GPR139: variants seen among roughly 807,000 people sequenced by gnomAD.
The protein encoded by GPR139 is G protein-coupled receptor 139.
In GPR139, 12 loss-of-function variants were observed where a neutral mutation model predicts 25.8. The ratio of observed to expected loss-of-function variants is 0.47; its 90% CI spans 0.30 to 0.75. The LOEUF (loss-of-function observed/expected upper bound fraction) is 0.75, where lower values mean the gene tolerates loss of function less well. Ranked by LOEUF, GPR139 falls within the 30% of genes least tolerant of loss-of-function variation. The pLI, the probability that GPR139 is intolerant of heterozygous loss-of-function variation, is 0.07. For missense variants in GPR139, 380 were observed against 450.2 expected (o/e 0.84, Z 1.41); for synonymous variants, 184 against 179.9 (o/e 1.02, Z -0.18).
intron 1 of GPR139, among the ~76,000 whole-genome samples, chr16:20,064,002 A>G (rs1392164445): frequency 1.3e-5 from 2 of 152,242 alleles, no homozygotes; most frequent in Non-Finnish European, 2.9e-5. Context: ...ACATGGTGGC[A>G]GGAAAGAGAG....
rs1262628465 is a variant in GPR139 at position 20,032,062 on chromosome 16, G to A, written c.735C>T (p.Ile245=). The change falls in exon 2 of 2, where the codon ATC becomes ATT. Residue 245 remains isoleucine, a synonymous_variant. Transcript: ENST00000570682. ...SIFATLWAPR[I]IMILYHLYGA... ...CATAGAGGTGGTAAAGAATCATGAT[G>A]ATGCGGGGGGCCCAAAGTGTGGCAA... 1 of 1,614,226 alleles carries A rather than the reference G, an allele frequency of 6.2e-7. No homozygotes were observed. Among genetic ancestry groups the A allele is most frequent in the Admixed American group, 1.7e-5 (1 of 60,030 alleles).
chr16:20,033,887 A>G (rs1215316472), intron 1 of GPR139, among the ~76,000 whole-genome samples: 3 of 151,180 alleles, frequency 2.0e-5, no homozygotes, highest in Admixed American at 1.3e-4. Flanking sequence ...TTTTGCACCA[A>G]CCTAATACAT....
At chr16:20,072,282 G>A (rs955962574) in intron 1 of GPR139, among the ~76,000 whole-genome samples, 3 of 152,086 alleles carry the variant, frequency 2.0e-5, no homozygotes, top group African/African-American at 7.2e-5. Context: ...TTGGGAGGGG[G>A]GATTTATTGA....
intron 1 of GPR139, among the ~76,000 whole-genome samples, chr16:20,047,510 C>T (rs2057358337): frequency 6.6e-6 from 1 of 152,166 alleles, no homozygotes; most frequent in Admixed American, 6.5e-5. Context: ...TAGCTCCTTC[C>T]TCATATTAGG....
chr16:20,059,464 C>T (rs1339176087), intron 1 of GPR139, among the ~76,000 whole-genome samples: 1 of 152,158 alleles, frequency 6.6e-6, no homozygotes, highest in Non-Finnish European at 1.5e-5. Context: ...CTACGCCTAC[C>T]CTGGCTGATT....
chr16:20,035,993 G>T (rs2057308615), intron 1 of GPR139, among the ~76,000 whole-genome samples: 1 of 152,166 alleles, frequency 6.6e-6, no homozygotes, highest in Non-Finnish European at 1.5e-5. Flanking sequence ...TAGGCCTAAG[G>T]TGGATATACA....
intron 1 of GPR139, among the ~76,000 whole-genome samples, chr16:20,064,732 G>T (rs72772774): frequency 6.6e-6 from 1 of 152,242 alleles, no homozygotes; most frequent in Non-Finnish European, 1.5e-5. Flanking sequence ...CTGAGGCTCC[G>T]AAAGGGTGAA....
chr16:20,072,721 G>A (rs1193267766), intron 1 of GPR139, among the ~76,000 whole-genome samples: 2 of 152,196 alleles, frequency 1.3e-5, no homozygotes, highest in Non-Finnish European at 2.9e-5. Flanking sequence ...ACATTAAGAT[G>A]TGGGACCAGC....
chr16:20,032,627 C>G lies in GPR139; in HGVS notation c.170G>C (p.Arg57Thr). ...TVIILSQLVA[R>T]RQKSSYNYLL... ...ATAGTTGTAGGAGGACTTCTGTCTT[C>G]TTGCCACCAGCTGGGAGAGGATGAT... Residue 57 changes from arginine (R) to threonine (T), a missense_variant, in exon 2 of 2, where the codon AGA becomes ACA. Transcript: ENST00000570682. 1 of 1,610,868 alleles carries G rather than the reference C, an allele frequency of 6.2e-7. No individual in the cohort carries two copies. The highest frequency in any genetic ancestry group is 8.5e-7 in the Non-Finnish European group (1 of 1,177,132).
intron 1 of GPR139, among the ~76,000 whole-genome samples, chr16:20,055,314 A>C (rs1229125484): frequency 6.6e-6 from 1 of 152,214 alleles, no homozygotes; most frequent in Non-Finnish European, 1.5e-5. Context: ...GAAGATTTAC[A>C]ACATTATTAA....
intron 1 of GPR139, among the ~76,000 whole-genome samples, chr16:20,040,008 T>C (rs1438299539): frequency 1.3e-5 from 2 of 152,216 alleles, no homozygotes; most frequent in African/African-American, 4.8e-5. Flanking sequence ...ATGCTCCTTC[T>C]TGGAACCCAG....
intron 1 of GPR139, among the ~76,000 whole-genome samples, chr16:20,043,664 C>T (rs1186762633): frequency 6.6e-6 from 1 of 152,104 alleles, no homozygotes; most frequent in African/African-American, 2.4e-5. Flanking sequence ...GAGGGTAAGC[C>T]ACCTGCTGAA....
intron 1 of GPR139, among the ~76,000 whole-genome samples, chr16:20,040,980 C>G (rs748388438): frequency 1.3e-5 from 2 of 151,436 alleles, no homozygotes; most frequent in Non-Finnish European, 2.9e-5. Context: ...GCCACTTACC[C>G]CTTTCAGTCA....
Position 20,031,484 on chromosome 16 carries a change from C to T in GPR139, c.*251G>A, listed in dbSNP as rs942701733. 2 of 507,662 alleles carry T rather than the reference C, an allele frequency of 3.9e-6. No homozygotes were observed. Among genetic ancestry groups the T allele is most frequent in the Non-Finnish European group, 7.1e-6 (2 of 282,852 alleles). 31.4% of individuals were successfully genotyped at this position (507,662 alleles called of 1,614,324 possible). A position where few individuals can be genotyped will look rare whatever the true frequency, so the allele number is the denominator to read the frequency against. ...AGGATGATGACACAAGCTCCAATGG[C>T]ATCTTCAAACTGGTAGGAGCTTTTG... On this transcript the variant is annotated 3_prime_UTR_variant, in exon 2 of 2. Coordinates refer to ENST00000570682, the MANE Select transcript of GPR139 (RefSeq NM_001002911.4).
chr16:20,065,942 C>T (rs112942839), intron 1 of GPR139, among the ~76,000 whole-genome samples: 2,835 of 150,596 alleles, frequency 0.019, 111 homozygotes, highest in African/African-American at 0.065. Context: ...ATGCTTAGTA[C>T]ATAGTAAGCA....
intron 1 of GPR139, among the ~76,000 whole-genome samples, chr16:20,056,146 G>A (rs950262936): frequency 2.0e-5 from 3 of 152,154 alleles, no homozygotes; most frequent in African/African-American, 7.2e-5. Flanking sequence ...ACTGACTTGG[G>A]GCTATGCCAT....
intron 1 of GPR139, among the ~76,000 whole-genome samples, chr16:20,058,552 C>A (rs1165534927): frequency 6.6e-6 from 1 of 152,272 alleles, no homozygotes; most frequent in East Asian, 1.9e-4. Flanking sequence ...ATCCAAGAAG[C>A]AACCACCTTT....
In GPR139 at chr16:20,041,368, T is replaced by C. The variant is rs553249228; in HGVS notation, c.128-8699A>G. On this transcript the variant is annotated intron_variant, in intron 1 of 1. Coordinates refer to ENST00000570682, the MANE Select transcript of GPR139 (RefSeq NM_001002911.4). ...GTGGACAATTGCAGCGGTGTTATTT[T>C]ACCTGCTTCTGGGAGGTGCTCCAAG... 2.6e-5 allele frequency among the ~76,000 whole-genome samples: 4 copies of C among 151,652 alleles called. No individual in the cohort carries two copies. In the South Asian group the frequency reaches 8.4e-4, roughly 32 times the overall value.
intron 1 of GPR139, among the ~76,000 whole-genome samples, chr16:20,053,597 T>C (rs946899719): frequency 6.6e-5 from 10 of 152,190 alleles, no homozygotes; most frequent in Admixed American, 5.9e-4. Flanking sequence ...TGAAATTGCT[T>C]TGCAAACTCC....
Sources: allele counts gnomAD v4.1 joint callset (sites outside exome capture counted in the v4.1 genomes callset), GRCh38; gene constraint gnomAD v4.1.1; transcripts MANE v1.5; gene names NCBI Gene and HGNC (gene_info 2026-07-23, HGNC 2026-07-21).